ZDHHC21: variants seen among roughly 807,000 people sequenced by gnomAD.
The protein encoded by ZDHHC21 is palmitoyltransferase ZDHHC21.
In ZDHHC21, 15 loss-of-function variants were observed where a neutral mutation model predicts 34.6. The ratio of observed to expected loss-of-function variants is 0.43; its 90% CI spans 0.29 to 0.67. ZDHHC21 has a LOEUF of 0.67. Among genes scored for constraint, ZDHHC21 ranks in the 30% least tolerant of loss-of-function variants. ZDHHC21 has a pLI of 0.14. For synonymous variants in ZDHHC21, 142 were observed against 101.8 expected, an observed-to-expected ratio of 1.40 and a Z score of -2.38; for missense variants, 344 against 327.7, an observed-to-expected ratio of 1.05 and a Z score of -0.38.
chr9:14,683,753 G>C (rs1249973632), intron 2 of ZDHHC21: 2 of 152,158 alleles, frequency 1.3e-5, no homozygotes, highest in Admixed American at 1.3e-4. Flanking sequence ...AACAAAAAAA[G>C]AGAATTTTAG....
rs866594127 is a variant in ZDHHC21 at position 14,617,822 on chromosome 9, T to C, written c.*1144A>G. On this transcript the variant is annotated 3_prime_UTR_variant, in exon 10 of 10. Coordinates refer to ENST00000380916, the MANE Select transcript of ZDHHC21 (RefSeq NM_178566.6). ...CCTAACACTAGCTACTAGTAAAAGG[T>C]CTCTCAATGCAAATTACAGCCAGCC... is the stretch of plus-strand genomic sequence containing the variant. The C allele has an allele frequency of 6.6e-6, 1 of 151,924 alleles. No homozygotes were observed. The highest frequency in any genetic ancestry group is 1.5e-5 in the Non-Finnish European group (1 of 67,902). The allele number at this position is 151,924 out of a possible 1,614,324, so 9.4% of individuals were successfully genotyped here.
intron 8 of ZDHHC21, among the ~76,000 whole-genome samples, chr9:14,630,909 TG>T (rs547877546): frequency 6.6e-6 from 1 of 152,368 alleles, no homozygotes; most frequent in East Asian, 1.9e-4. Flanking sequence ...ACTTAGGCTT[TG>T]TTTTTCCATT....
At position 14,615,073 on chromosome 9, in the gene ZDHHC21, T is replaced by C. The variant is rs983122212; in HGVS notation, c.*3893A>G. 1.4e-4 allele frequency: 21 copies of C among 151,820 alleles called. No homozygotes were observed. Among genetic ancestry groups the C allele is most frequent in the East Asian group, 3.9e-4 (2 of 5,172 alleles). The allele number at this position is 151,820 out of a possible 1,614,324, so 9.4% of individuals were successfully genotyped here. A position where few individuals can be genotyped will look rare whatever the true frequency, so the allele number is the denominator to read the frequency against. On this transcript the variant is annotated 3_prime_UTR_variant, in exon 10 of 10. Transcript: ENST00000380916. ...GCATATTAAACCAGAGCTTGGTACATTGTGATTTTATAGCAATACATGTGA... is the reference window on the plus strand; with the variant it reads ...GCATATTAAACCAGAGCTTGGTACACTGTGATTTTATAGCAATACATGTGA...
At chr9:14,674,480 T>C in intron 3 of ZDHHC21, 95 bp from the exon 4 acceptor site, 1 of 656,250 alleles carries the variant, frequency 1.5e-6, no homozygotes, top group East Asian at 3.4e-5. Context: ...CATTGAGTTT[T>C]CTTTGCATAT....
intron 8 of ZDHHC21, among the ~76,000 whole-genome samples, chr9:14,623,645 GAAA>G (rs71322000): frequency 2.4e-5 from 3 of 123,442 alleles, no homozygotes; most frequent in Non-Finnish European, 5.1e-5. Context: ...CAACTCAACA[GAAA>G]AAAAAAAAAA....
At chr9:14,650,152 T>G (rs1158486529) in intron 7 of ZDHHC21, among the ~76,000 whole-genome samples, 1 of 151,940 alleles carries the variant, frequency 6.6e-6, no homozygotes, top group Non-Finnish European at 1.5e-5. Context: ...CATCTCTCAC[T>G]AAAAGCGTAG....
chr9:14,589,736 G>A, the ZDHHC21 span: 1 of 152,278 alleles, frequency 6.6e-6, no homozygotes, highest in East Asian at 1.9e-4. Context: ...CTAAAACTAG[G>A]TTTTATTATA....
At chr9:14,623,149 G>GC (rs1825596151) in intron 8 of ZDHHC21, among the ~76,000 whole-genome samples, 1 of 144,074 alleles carries the variant, frequency 6.9e-6, no homozygotes, top group South Asian at 2.1e-4. Flanking sequence ...AAAAAAAAAG[G>GC]CAACAACAAA....
chr9:14,613,207 A>G lies in ZDHHC21; in HGVS notation c.*5759T>C, dbSNP rs1340306910. 6.6e-6 allele frequency: 1 copy of G among 151,920 alleles called. No homozygotes were observed. Among genetic ancestry groups the G allele is most frequent in the African/African-American group, 2.4e-5 (1 of 41,412 alleles). The allele number at this position is 151,920 out of a possible 1,614,324, so 9.4% of individuals were successfully genotyped here. On this transcript the variant is annotated 3_prime_UTR_variant, in exon 10 of 10. Transcript: ENST00000380916. ...GCCAGAGCAGCATGCAAAAAATAAGATCTGTTAATCAAACTGTTCTTAGTA... is the reference window on the plus strand; with the variant it reads ...GCCAGAGCAGCATGCAAAAAATAAGGTCTGTTAATCAAACTGTTCTTAGTA...
intron 3 of ZDHHC21, among the ~76,000 whole-genome samples, chr9:14,676,418 AG>A (rs1487537468): frequency 6.6e-6 from 1 of 151,992 alleles, no homozygotes; most frequent in Non-Finnish European, 1.5e-5. Context: ...ACTGAAACAA[AG>A]AAAAAGAGAT....
intron 8 of ZDHHC21, among the ~76,000 whole-genome samples, chr9:14,625,556 T>A (rs1185186264): frequency 6.6e-6 from 1 of 152,008 alleles, no homozygotes. Context: ...CCTCATAGGT[T>A]TTTGTGGGGA....
chr9:14,590,890 C>T, the ZDHHC21 span, among the ~76,000 whole-genome samples: 3 of 151,926 alleles, frequency 2.0e-5, no homozygotes, highest in African/African-American at 7.3e-5. Flanking sequence ...AGATAACTGA[C>T]TGGCAAAAGA....
the ZDHHC21 span, among the ~76,000 whole-genome samples, chr9:14,597,348 G>C: frequency 6.6e-6 from 1 of 152,078 alleles, no homozygotes; most frequent in Non-Finnish European, 1.5e-5. Flanking sequence ...GTGTGGCTGG[G>C]TATCCAGCAC....
At chr9:14,637,975 T>C (rs1828604449) in intron 8 of ZDHHC21, among the ~76,000 whole-genome samples, 1 of 151,974 alleles carries the variant, frequency 6.6e-6, no homozygotes, top group Non-Finnish European at 1.5e-5. Context: ...AGATTTGATA[T>C]AATCAGCATC....
At position 14,616,654 on chromosome 9, in the gene ZDHHC21, C is replaced by A. The variant is rs1475699897; in HGVS notation, c.*2312G>T. 1 of 151,808 alleles carries A rather than the reference C, an allele frequency of 6.6e-6. No homozygotes were observed. Among genetic ancestry groups the A allele is most frequent in the Non-Finnish European group, 1.5e-5 (1 of 67,808 alleles). The allele number at this position is 151,808 out of a possible 1,614,324, so 9.4% of individuals were successfully genotyped here. A position where few individuals can be genotyped will look rare whatever the true frequency, so the allele number is the denominator to read the frequency against. Reference sequence around the variant, plus strand: ...AGTAGTCTAATAAGAATTAACAAAACCCACAGGAGAGTTAGGTACGCTAAC... The same window carrying A: ...AGTAGTCTAATAAGAATTAACAAAAACCACAGGAGAGTTAGGTACGCTAAC... On this transcript the variant is annotated 3_prime_UTR_variant, in exon 10 of 10. Transcript: ENST00000380916.
At chr9:14,603,604 C>T in the ZDHHC21 span, among the ~76,000 whole-genome samples, 27 of 152,100 alleles carry the variant, frequency 1.8e-4, no homozygotes, top group African/African-American at 6.5e-4. Flanking sequence ...AACCAAAGCT[C>T]GTTAATCTAC....
the ZDHHC21 span, among the ~76,000 whole-genome samples, chr9:14,601,856 T>A: frequency 1.1e-3 from 172 of 152,272 alleles, 1 homozygote; most frequent in African/African-American, 3.9e-3. Context: ...GGGACATGGA[T>A]GAAGCTGGAA....
rs368013217 is a variant in ZDHHC21, at chr9:14,633,118, T to C, written c.621+6778A>G. Among the ~76,000 whole-genome samples, 237 of 152,278 alleles carry C rather than the reference T, an allele frequency of 1.6e-3. 3 individuals are homozygous for C. Among genetic ancestry groups the C allele is most frequent in the African/African-American group, 5.5e-3 (230 of 41,540 alleles). Reference sequence around the variant, plus strand: ...AAAAACGTGTAGGTGGGCTTCAAGATAGCTGACTAGAAACAACTGGTACTC... The same window carrying C: ...AAAAACGTGTAGGTGGGCTTCAAGACAGCTGACTAGAAACAACTGGTACTC... On this transcript the variant is annotated intron_variant, in intron 8 of 9. Transcript: ENST00000380916.
chr9:14,672,909 T>C lies in ZDHHC21; in HGVS notation c.174A>G (p.Ile58Met). The change falls in exon 5 of 10, where the codon ATA (isoleucine) becomes ATG (methionine). Residue 58 changes from isoleucine to methionine, a missense_variant. By Grantham distance (10) the Ile-to-Met change is conservative. Coordinates refer to ENST00000380916, the MANE Select transcript of ZDHHC21 (RefSeq NM_178566.6). ...ILIIIFYGISIFCLVALVRAS... is the reference protein window; with the variant it reads ...ILIIIFYGISMFCLVALVRAS... ...CCCTCACTAAGGCAACCAGACAGAA[T>C]ATGGAAATGCCATAGAATACTTTAA... 3.1e-6 allele frequency: 5 copies of C among 1,600,422 alleles called. No individual in the cohort carries two copies. The highest frequency in any genetic ancestry group is 1.3e-5 in the African/African-American group (1 of 74,764).
Sources: allele counts gnomAD v4.1 joint callset (sites outside exome capture counted in the v4.1 genomes callset), GRCh38; gene constraint gnomAD v4.1.1; transcripts MANE v1.5; gene names NCBI Gene and HGNC (gene_info 2026-07-23, HGNC 2026-07-21).